RASEF: variants seen among roughly 807,000 people sequenced by gnomAD.
RASEF encodes RAS and EF-hand domain containing.
A neutral mutation model predicts 90.1 loss-of-function variants in RASEF; 68 were observed. The observed-to-expected ratio is 0.75, with a 90% CI of 0.62 to 0.92. The LOEUF (loss-of-function observed/expected upper bound fraction) is 0.92. Ranked by LOEUF, RASEF falls within the 40% of genes least tolerant of loss-of-function variation. The pLI is 0.00. For synonymous variants in RASEF, 331 were observed against 345.2 expected, an observed-to-expected ratio of 0.96 and a Z score of 0.46; for missense variants, 949 against 937.2, an observed-to-expected ratio of 1.01 and a Z score of -0.16.
the RASEF span, among the ~76,000 whole-genome samples, chr9:83,199,437 C>T: frequency 0.01 from 1,536 of 152,264 alleles, 22 homozygotes; most frequent in African/African-American, 0.033. Flanking sequence ...CATGTTGAGA[C>T]AGCATCATCC....
the RASEF span, among the ~76,000 whole-genome samples, chr9:83,180,091 A>G: frequency 6.6e-6 from 1 of 152,204 alleles, no homozygotes; most frequent in Non-Finnish European, 1.5e-5. Context: ...GCCTGTTTAT[A>G]TAACTTAAAT....
At chr9:83,040,964 G>A (rs1314366898) in intron 1 of RASEF, among the ~76,000 whole-genome samples, 2 of 152,138 alleles carry the variant, frequency 1.3e-5, no homozygotes, top group African/African-American at 2.4e-5. Context: ...GGGTTCAAAC[G>A]ATTCTCCCGC....
intron 15 of RASEF, among the ~76,000 whole-genome samples, chr9:82,991,662 A>C (rs1263369541): frequency 6.6e-6 from 1 of 152,194 alleles, no homozygotes; most frequent in African/African-American, 2.4e-5. Context: ...TCTGGTAGAA[A>C]CCATCAGTGC....
intron 1 of RASEF, among the ~76,000 whole-genome samples, chr9:83,031,822 G>C (rs928490519): frequency 1.3e-5 from 2 of 152,084 alleles, no homozygotes; most frequent in African/African-American, 4.8e-5. Flanking sequence ...AGCTATCTGG[G>C]GGAAGGACTA....
At chr9:83,197,740 A>C in the RASEF span, among the ~76,000 whole-genome samples, 19 of 152,192 alleles carry the variant, frequency 1.2e-4, no homozygotes, top group African/African-American at 4.6e-4. Flanking sequence ...TTTACATTTT[A>C]ATTGGGGCTG....
chr9:83,015,787 C>G lies in RASEF; in HGVS notation c.765+18G>C, dbSNP rs766049381. On this transcript the variant is annotated intron_variant, in intron 4 of 16. Transcript: ENST00000376447. ...GATGCTGAGGCTGTTCCTACAAGTC[C>G]AGCTGCCACATGCCTACCTTTCTTA... The G allele has an allele frequency of 6.3e-7, 1 of 1,582,556 alleles. No homozygotes were observed. The highest frequency in any genetic ancestry group is 8.7e-7 in the Non-Finnish European group (1 of 1,151,414).
At position 83,005,463 on chromosome 9, in the gene RASEF, G is replaced by A. The variant is rs371761706; in HGVS notation, c.1066C>T (p.Leu356Phe). The change falls in exon 8 of 17, where the codon CTT (leucine) becomes TTT (phenylalanine). Residue 356 changes from leucine (L) to phenylalanine (F), a missense_variant. Physicochemically the swap from Leu to Phe is conservative, Grantham distance 22. Around this residue, in one of 3 missense-constraint regions of RASEF, gnomAD observed 656 missense variants for 592.2 expected, o/e 1.11. Transcript: ENST00000376447. ...TAACTGTTTTCAAGGGCACTTCTAA[G>A]GCCATCATTACTGTCATGTAGCTTC... ...NRKLHDSNDGLRSALENSYSK... is the reference protein window; with the variant it reads ...NRKLHDSNDGFRSALENSYSK... 21 of 1,613,944 alleles carry A rather than the reference G, an allele frequency of 1.3e-5. No individual in the cohort carries two copies. Among genetic ancestry groups the A allele is most frequent in the African/African-American group, 5.3e-5 (4 of 75,030 alleles).
At chr9:83,055,872 A>G (rs1227017118) in intron 1 of RASEF, among the ~76,000 whole-genome samples, 2 of 152,224 alleles carry the variant, frequency 1.3e-5, no homozygotes, top group Non-Finnish European at 2.9e-5. Context: ...AAACATCCAT[A>G]GTCCAGAATG....
At chr9:83,058,373 G>A (rs920664142) in intron 1 of RASEF, among the ~76,000 whole-genome samples, 3 of 148,594 alleles carry the variant, frequency 2.0e-5, no homozygotes, top group South Asian at 2.1e-4. Context: ...TAGTAGAGAC[G>A]GGGTTTCACC....
intron 14 of RASEF, among the ~76,000 whole-genome samples, chr9:82,994,431 C>T (rs190094259): frequency 6.6e-6 from 1 of 152,290 alleles, no homozygotes; most frequent in East Asian, 1.9e-4. Context: ...TTGAAGAAAA[C>T]CACAGCCCAC....
At chr9:83,079,808 AG>A in the RASEF span, among the ~76,000 whole-genome samples, 19 of 151,916 alleles carry the variant, frequency 1.3e-4, no homozygotes, top group Non-Finnish European at 1.5e-5. Context: ...ATAAGTGTAT[AG>A]GTAGAAAGTG....
chr9:83,179,565 A>C, the RASEF span, among the ~76,000 whole-genome samples: 1 of 152,226 alleles, frequency 6.6e-6, no homozygotes, highest in African/African-American at 2.4e-5. Flanking sequence ...ATCAAACTGC[A>C]TCAAGGCAAG....
chr9:83,136,184 T>C, the RASEF span, among the ~76,000 whole-genome samples: 2 of 152,216 alleles, frequency 1.3e-5, no homozygotes, highest in East Asian at 1.9e-4. Flanking sequence ...CATATTGTCT[T>C]CTATGAACTT....
rs995701986 is a variant in RASEF, at chr9:82,991,072, G to A, written c.2041-605C>T. Among the ~76,000 whole-genome samples, 7 of 152,060 alleles carry A rather than the reference G, an allele frequency of 4.6e-5. No homozygotes were observed. The East Asian group carries it at 9.7e-4, about 21-fold the overall frequency. On this transcript the variant is annotated intron_variant, in intron 15 of 16. Coordinates refer to ENST00000376447, the MANE Select transcript of RASEF (RefSeq NM_152573.4). ...CATGGCCAATGAGGCCCAGCTTCACGTGGCCCCAGGCAAGCTCTGAGCTTC... is the reference window on the plus strand; with the variant it reads ...CATGGCCAATGAGGCCCAGCTTCACATGGCCCCAGGCAAGCTCTGAGCTTC...
At chr9:83,042,118 T>C (rs952792499) in intron 1 of RASEF, among the ~76,000 whole-genome samples, 13 of 152,224 alleles carry the variant, frequency 8.5e-5, no homozygotes, top group African/African-American at 2.7e-4. Flanking sequence ...TTCTGTGGTC[T>C]GAGCTGCACT....
chr9:83,146,712 C>G, the RASEF span, among the ~76,000 whole-genome samples: 1 of 152,154 alleles, frequency 6.6e-6, no homozygotes, highest in Non-Finnish European at 1.5e-5. Context: ...CTGTTTTAAA[C>G]AGTCATTGTA....
chr9:83,128,129 T>G, the RASEF span, among the ~76,000 whole-genome samples: 1 of 151,748 alleles, frequency 6.6e-6, no homozygotes, highest in Non-Finnish European at 1.5e-5. Flanking sequence ...ATGAAGCATC[T>G]TAGCAATTCT....
intron 3 of RASEF, among the ~76,000 whole-genome samples, chr9:83,017,736 A>C (rs948340982): frequency 1.3e-5 from 2 of 152,236 alleles, no homozygotes; most frequent in Non-Finnish European, 2.9e-5. Context: ...CGCCAAAATA[A>C]GACAAAAGCA....
At chr9:83,170,568 C>CT in the RASEF span, among the ~76,000 whole-genome samples, 1 of 151,536 alleles carries the variant, frequency 6.6e-6, no homozygotes, top group South Asian at 2.1e-4. Flanking sequence ...CATATTTTTT[C>CT]TTTTTTGTGT....
Sources: gnomAD v4.1 joint callset for allele counts (sites outside exome capture counted in the v4.1 genomes callset) on GRCh38, gnomAD v4.1.1 for gene constraint, gnomAD v4.1.1 regional missense constraint, MANE v1.5 for transcripts, NCBI Gene and HGNC (gene_info 2026-07-23, HGNC 2026-07-21) for gene names.